The following PDE4C variants were observed in gnomAD, a reference collection of about 807,000 sequenced individuals.
The protein encoded by PDE4C is 3',5'-cyclic-AMP phosphodiesterase 4C.
A neutral mutation model predicts 63.9 loss-of-function variants in PDE4C; 50 were observed. The observed-to-expected ratio is 0.78, with a 90% CI of 0.62 to 0.99. PDE4C has a LOEUF of 0.99. PDE4C is among the 50% of genes least tolerant of loss of function. The pLI is 0.00. For missense variants in PDE4C, 777 were observed against 899.1 expected (o/e 0.86, Z 1.74); for synonymous variants, 377 against 385.1 (o/e 0.98, Z 0.25).
chr19:18,221,052 G>GCCAGGCGCCCCCCCCCCCCCC, intron 4 of PDE4C, 53 bp downstream of exon 4: 2 of 1,245,304 alleles, frequency 1.6e-6, no homozygotes, highest in Non-Finnish European at 2.3e-6. Context: ...CCCGCTTTCC[G>GCCAGGCGCCCCCCCCCCCCCC]CCCACCTTGT....
At chr19:18,241,250 CTCT>C (rs1969029916) in intron 1 of PDE4C, among the ~76,000 whole-genome samples, 1 of 127,148 alleles carries the variant, frequency 7.9e-6, no homozygotes, top group Admixed American at 9.0e-5. Context: ...CTTTTTTCTT[CTCT>C]TGTTTTTTTT....
intron 1 of PDE4C, among the ~76,000 whole-genome samples, chr19:18,222,773 C>T (rs1418011190): frequency 7.1e-6 from 1 of 140,916 alleles, no homozygotes; most frequent in Non-Finnish European, 1.5e-5. Context: ...GATCCTACCT[C>T]ACTGCAGCCT....
intron 1 of PDE4C, chr19:18,248,147 G>A (rs767900453): frequency 2.2e-6 from 1 of 456,236 alleles, no homozygotes; most frequent in Non-Finnish European, 4.4e-6. Context: ...TGCTCCAGGA[G>A]GCCCAGGCAT....
intron 1 of PDE4C, among the ~76,000 whole-genome samples, chr19:18,239,742 C>T (rs1969007637): frequency 6.6e-6 from 1 of 152,042 alleles, no homozygotes; most frequent in Non-Finnish European, 1.5e-5. Flanking sequence ...AACTGGGAAA[C>T]TGGCCAGGCG....
At chr19:18,221,052 G>GCCAGACCC in intron 4 of PDE4C, 53 bp downstream of exon 4, 3 of 1,245,312 alleles carry the variant, frequency 2.4e-6, no homozygotes, top group African/African-American at 1.5e-5. Context: ...CCCGCTTTCC[G>GCCAGACCC]CCCACCTTGT....
chr19:18,248,989 C>A (rs1462608974), upstream of PDE4C, among the ~76,000 whole-genome samples: 1 of 148,970 alleles, frequency 6.7e-6, no homozygotes, highest in Non-Finnish European at 1.5e-5. Flanking sequence ...CGTGTCACTG[C>A]ACTCCAGTGT....
At chr19:18,217,750 A>T (rs150127197) in intron 11 of PDE4C, among the ~76,000 whole-genome samples, 7,422 of 152,102 alleles carry the variant, frequency 0.049, 235 homozygotes, top group Non-Finnish European at 0.072. Flanking sequence ...TACAAAAATT[A>T]GCCAGGCATG....
At chr19:18,243,470 C>T (rs185179323) in intron 1 of PDE4C, among the ~76,000 whole-genome samples, 1 of 149,646 alleles carries the variant, frequency 6.7e-6, no homozygotes, top group East Asian at 2.0e-4. Context: ...ACACAGTTAC[C>T]TGGGGAATGG....
At chr19:18,235,597 C>T (rs775852821), upstream of PDE4C, among the ~76,000 whole-genome samples, 19 of 152,186 alleles carry the variant, frequency 1.2e-4, no homozygotes, top group Non-Finnish European at 2.5e-4. Context: ...TTCCTAGTCT[C>T]CTTGGTCTCC....
chr19:18,229,586 T>A (rs1252388914), upstream of PDE4C, among the ~76,000 whole-genome samples: 1 of 23,310 alleles, frequency 4.3e-5, no homozygotes, highest in African/African-American at 7.8e-5. Flanking sequence ...CATTTGAATG[T>A]TCCCTTCTCT....
rs574254305 is a variant in PDE4C at position 18,211,504 on chromosome 19, G to A, written c.1696-228C>T. Among the ~76,000 whole-genome samples, 32 of 152,198 alleles carry A rather than the reference G, an allele frequency of 2.1e-4. No individual in the cohort carries two copies. In the East Asian group the frequency reaches 3.5e-3, roughly 17 times the overall value. On this transcript the variant is annotated intron_variant, in intron 14 of 14. Coordinates refer to ENST00000262805, the Ensembl canonical transcript of PDE4C. ...CCTAACCCCACAGGGCTGAATGTACGTGTCCCCCAGACTGGAAGCCCCTCC... is the reference window on the plus strand; with the variant it reads ...CCTAACCCCACAGGGCTGAATGTACATGTCCCCCAGACTGGAAGCCCCTCC...
At chr19:18,237,475 T>C (rs1197641095), upstream of PDE4C, among the ~76,000 whole-genome samples, 1 of 151,740 alleles carries the variant, frequency 6.6e-6, no homozygotes, top group Non-Finnish European at 1.5e-5. Flanking sequence ...CGCTTGAACC[T>C]GGGAGGCGGA....
chr19:18,215,870 C>T (rs1968172539), intron 12 of PDE4C, among the ~76,000 whole-genome samples: 1 of 137,220 alleles, frequency 7.3e-6, no homozygotes, highest in Non-Finnish European at 1.5e-5. Flanking sequence ...CACTCTGTTG[C>T]TGAGGCTAGA....
intron 11 of PDE4C, 81 bp downstream of exon 11, chr19:18,218,068 G>A (rs1968279432): frequency 5.7e-6 from 6 of 1,052,648 alleles, no homozygotes; most frequent in Non-Finnish European, 8.7e-6. Context: ...GGGCAGATGG[G>A]AACCCCCTGA....
At chr19:18,216,641 C>T (rs908336814) in intron 12 of PDE4C, 100 bp downstream of exon 12, 29 of 1,230,864 alleles carry the variant, frequency 2.4e-5, no homozygotes, top group Middle Eastern at 2.9e-4. Flanking sequence ...CTGGATGAAC[C>T]GCCGGCCATG....
rs555506321 is a variant in PDE4C at position 18,246,703 on chromosome 19, G to A, written c.-210+1468C>T. ...AGCACTTTGGGAGGCTGAGGCAGGT[G>A]GGTCACTTAAGATCAGGGGTTCAAG... is the stretch of plus-strand genomic sequence containing the variant. On this transcript the variant is annotated intron_variant, in intron 1 of 15. Transcript: ENST00000594617. 1.1e-4 allele frequency among the ~76,000 whole-genome samples: 16 copies of A among 152,090 alleles called. No individual in the cohort carries two copies. In the South Asian group the frequency reaches 2.5e-3, roughly 24 times the overall value.
intron 12 of PDE4C, among the ~76,000 whole-genome samples, chr19:18,215,166 C>G (rs1257099993): frequency 6.6e-6 from 1 of 152,166 alleles, no homozygotes; most frequent in Non-Finnish European, 1.5e-5. Context: ...CTTTCTCACT[C>G]CAAGCCTTGG....
chr19:18,214,769 T>A (rs1319865786), intron 12 of PDE4C, among the ~76,000 whole-genome samples: 1 of 151,824 alleles, frequency 6.6e-6, no homozygotes, highest in Non-Finnish European at 1.5e-5. Context: ...GCCAACATGG[T>A]GAAACCCCGT....
chr19:18,244,843 T>A (rs1386702832), intron 1 of PDE4C, among the ~76,000 whole-genome samples: 1 of 151,694 alleles, frequency 6.6e-6, no homozygotes, highest in Non-Finnish European at 1.5e-5. Flanking sequence ...TTTCTTTTTT[T>A]ATTTTCTGTT....
Sources: gnomAD v4.1 joint callset for allele counts (sites outside exome capture counted in the v4.1 genomes callset) on GRCh38, gnomAD v4.1.1 for gene constraint, MANE v1.5 for transcripts, NCBI Gene and HGNC (gene_info 2026-07-23, HGNC 2026-07-21) for gene names.